GRID2: variants seen among roughly 807,000 people sequenced by gnomAD.
The protein encoded by GRID2 is glutamate ionotropic receptor delta type subunit 2.
GRID2 carries 33 observed loss-of-function variants against 114.8 expected under a neutral mutation model. The ratio of observed to expected loss-of-function variants is 0.29; its 90% CI spans 0.22 to 0.38. The LOEUF (loss-of-function observed/expected upper bound fraction) is 0.38. Ranked by LOEUF, GRID2 falls within the 10% of genes least tolerant of loss-of-function variation. GRID2 has a pLI of 1.00. For synonymous variants in GRID2, 505 were observed against 449.9 expected, an observed-to-expected ratio of 1.12 and a Z score of -1.55; for missense variants, 1,184 against 1,257.7, an observed-to-expected ratio of 0.94 and a Z score of 0.89.
chr4:92,555,915 T>C (rs1579574810), intron 1 of GRID2, among the ~76,000 whole-genome samples: 1 of 152,182 alleles, frequency 6.6e-6, no homozygotes, highest in Admixed American at 6.6e-5. Flanking sequence ...TGGCAGATGG[T>C]ACTCAGGGAT....
At chr4:93,295,788 T>G (rs1275838229) in intron 8 of GRID2, among the ~76,000 whole-genome samples, 2 of 152,186 alleles carry the variant, frequency 1.3e-5, no homozygotes, top group African/African-American at 4.8e-5. Context: ...AACACTGAGA[T>G]TGGCATTTTA....
At chr4:93,450,589 A>G (rs1722595589) in intron 10 of GRID2, among the ~76,000 whole-genome samples, 1 of 151,810 alleles carries the variant, frequency 6.6e-6, no homozygotes, top group Middle Eastern at 3.3e-3. Flanking sequence ...AGCTTCTAAG[A>G]TTCAGTGATT....
chr4:92,619,715 G>A (rs1451538670), intron 2 of GRID2, among the ~76,000 whole-genome samples: 2 of 151,668 alleles, frequency 1.3e-5, no homozygotes, highest in Non-Finnish European at 2.9e-5. Flanking sequence ...CTTATGTGAT[G>A]TTCAGTATTT....
chr4:93,721,363 G>A (rs1356531920), intron 14 of GRID2, among the ~76,000 whole-genome samples: 2 of 152,136 alleles, frequency 1.3e-5, no homozygotes, highest in Non-Finnish European at 2.9e-5. Flanking sequence ...ACTTTGAATT[G>A]GGTGGTTAGA....
chr4:93,270,873 C>T (rs1260784646), intron 8 of GRID2, among the ~76,000 whole-genome samples: 3 of 152,148 alleles, frequency 2.0e-5, no homozygotes, highest in Admixed American at 6.5e-5. Flanking sequence ...AGGTGATCCA[C>T]CCACTTCAGC....
At chr4:93,105,916 G>A (rs928008707) in intron 3 of GRID2, among the ~76,000 whole-genome samples, 1 of 152,042 alleles carries the variant, frequency 6.6e-6, no homozygotes, top group Non-Finnish European at 1.5e-5. Context: ...TGTCTTTGTT[G>A]TGTAATCTAG....
At chr4:93,563,579 T>C (rs566536506) in intron 13 of GRID2, among the ~76,000 whole-genome samples, 10 of 152,098 alleles carry the variant, frequency 6.6e-5, no homozygotes, top group Admixed American at 1.3e-4. Flanking sequence ...AAGATTGTAT[T>C]AGAGTTCCAA....
chr4:92,632,134 G>A (rs868664490), intron 2 of GRID2, among the ~76,000 whole-genome samples: 1 of 151,996 alleles, frequency 6.6e-6, no homozygotes. Flanking sequence ...AAGACTTTGC[G>A]CTTTAAAATC....
intron 8 of GRID2, among the ~76,000 whole-genome samples, chr4:93,280,406 A>G (rs1292072953): frequency 6.6e-6 from 1 of 152,038 alleles, no homozygotes; most frequent in Non-Finnish European, 1.5e-5. Context: ...TTTCTGCCTT[A>G]TAGGCTTCTG....
chr4:92,899,531 C>T (rs1747413319), intron 2 of GRID2, among the ~76,000 whole-genome samples: 2 of 152,110 alleles, frequency 1.3e-5, no homozygotes. Flanking sequence ...CTTGGTATTT[C>T]CTAAGCCTGT....
intron 4 of GRID2, among the ~76,000 whole-genome samples, chr4:93,112,817 T>C (rs920941767): frequency 6.6e-6 from 1 of 152,100 alleles, no homozygotes; most frequent in Non-Finnish European, 1.5e-5. Flanking sequence ...GTAGATGAAT[T>C]CTTTTTCCAA....
At chr4:92,339,421 A>T (rs1727357595) in intron 1 of GRID2, among the ~76,000 whole-genome samples, 1 of 152,150 alleles carries the variant, frequency 6.6e-6, no homozygotes, top group Non-Finnish European at 1.5e-5. Context: ...AAAGGAAGAA[A>T]ATTCGTCATT....
chr4:92,541,912 A>G (rs1725985145), intron 1 of GRID2, among the ~76,000 whole-genome samples: 1 of 152,114 alleles, frequency 6.6e-6, no homozygotes, highest in South Asian at 2.1e-4. Flanking sequence ...AAAAAAGAAG[A>G]GGAAGATTTC....
At chr4:93,316,609 A>G (rs978908013) in intron 8 of GRID2, among the ~76,000 whole-genome samples, 9 of 152,166 alleles carry the variant, frequency 5.9e-5, no homozygotes, top group Non-Finnish European at 5.9e-5. Flanking sequence ...TGGAAAAAGC[A>G]TTTAAAGGCA....
At chr4:92,668,716 G>A (rs948713346) in intron 2 of GRID2, among the ~76,000 whole-genome samples, 25 of 151,910 alleles carry the variant, frequency 1.6e-4, no homozygotes, top group African/African-American at 5.8e-4. Flanking sequence ...CTGTCATTGG[G>A]ATATGCTGTT....
chr4:93,318,580 G>T (rs1756918194), intron 8 of GRID2: 1 of 152,126 alleles, frequency 6.6e-6, no homozygotes, highest in Admixed American at 6.6e-5. Context: ...AACTGCTCTG[G>T]AAGACTAGGA....
intron 8 of GRID2, among the ~76,000 whole-genome samples, chr4:93,349,517 C>G (rs1395460739): frequency 6.6e-6 from 1 of 152,004 alleles, no homozygotes; most frequent in Non-Finnish European, 1.5e-5. Context: ...AAAAGTTACA[C>G]TAGAATATTG....
At chr4:93,318,599 T>C (rs1318086792) in intron 8 of GRID2, 1 of 152,138 alleles carries the variant, frequency 6.6e-6, no homozygotes, top group Non-Finnish European at 1.5e-5. Flanking sequence ...GAAGCAGGGA[T>C]GGCAGGAATG....
intron 3 of GRID2, among the ~76,000 whole-genome samples, chr4:93,100,701 T>TCCC (rs1158506796): frequency 6.6e-6 from 1 of 152,010 alleles, no homozygotes; most frequent in Non-Finnish European, 1.5e-5. Context: ...CTTTTTCTAC[T>TCCC]CCAAGTGAGG....
Sources: gnomAD v4.1 joint callset for allele counts (sites outside exome capture counted in the v4.1 genomes callset) on GRCh38, gnomAD v4.1.1 for gene constraint, MANE v1.5 for transcripts, NCBI Gene and HGNC (gene_info 2026-07-23, HGNC 2026-07-21) for gene names.